The following CCDC141 variants were observed in gnomAD, a reference collection of about 807,000 sequenced individuals.
CCDC141 encodes coiled-coil domain containing 141.
Under a neutral mutation model 181.0 loss-of-function variants are expected in CCDC141, and 168 were observed. The ratio of observed to expected loss-of-function variants is 0.93; its 90% CI spans 0.82 to 1.05. The LOEUF is 1.05. Among genes scored for constraint, CCDC141 ranks in the 50% least tolerant of loss-of-function variants. The pLI, the probability that CCDC141 is intolerant of heterozygous loss-of-function variation, is 0.00. For missense variants in CCDC141, 1,902 were observed against 1,788.5 expected (o/e 1.06, Z -1.14); for synonymous variants, 666 against 642.3 (o/e 1.04, Z -0.56).
chr2:178,903,942 C>G lies in CCDC141; in HGVS notation c.1265+1387G>C, dbSNP rs906573514. On this transcript the variant is annotated intron_variant, in intron 8 of 23. Transcript: ENST00000443758. ...AAACCTCACCGCTTAATTCAGTCAT[C>G]ATATGACTCAAATCAATGTCCGACA... Among the ~76,000 whole-genome samples the G allele has an allele frequency of 3.3e-5, 5 of 152,078 alleles. 1 individual carries two copies. In the South Asian group the frequency reaches 1.0e-3, roughly 31 times the overall value.
chr2:179,003,530 TAGTA>T (rs144892593), intron 2 of CCDC141, among the ~76,000 whole-genome samples: 6,094 of 152,264 alleles, frequency 0.04, 388 homozygotes, highest in East Asian at 0.2. Context: ...GCCTCAAATA[TAGTA>T]AGTATGTAAT....
intron 1 of CCDC141, 137 bp from the exon 2 acceptor site, chr2:179,047,543 C>A: frequency 1.4e-6 from 1 of 727,860 alleles, no homozygotes; most frequent in Non-Finnish European, 2.0e-6. Flanking sequence ...TTTTTCCATT[C>A]TTTCCATAGA....
intron 2 of CCDC141, among the ~76,000 whole-genome samples, chr2:179,028,486 A>T (rs2042915884): frequency 6.6e-6 from 1 of 152,170 alleles, no homozygotes; most frequent in Admixed American, 6.5e-5. Flanking sequence ...ATCCAGCACC[A>T]CTGCTCCCCT....
At chr2:178,864,543 G>T (rs12619308) in intron 17 of CCDC141, among the ~76,000 whole-genome samples, 16,498 of 152,112 alleles carry the variant, frequency 0.11, 1,693 homozygotes, top group East Asian at 0.58. Flanking sequence ...CAGTCCTGTA[G>T]CACACCGCTG....
At chr2:178,952,084 T>C (rs999253233) in intron 5 of CCDC141, among the ~76,000 whole-genome samples, 10 of 152,256 alleles carry the variant, frequency 6.6e-5, no homozygotes, top group Non-Finnish European at 1.3e-4. Flanking sequence ...AATTGGTTTT[T>C]GACTCTATCT....
intron 22 of CCDC141, among the ~76,000 whole-genome samples, chr2:178,844,716 T>C (rs994574491): frequency 6.6e-6 from 1 of 152,218 alleles, no homozygotes; most frequent in Admixed American, 6.5e-5. Context: ...CAAGGAAAGA[T>C]AAATCTTTCT....
At chr2:178,969,291 C>T (rs544286617) in intron 4 of CCDC141, among the ~76,000 whole-genome samples, 1 of 152,040 alleles carries the variant, frequency 6.6e-6, no homozygotes, top group Non-Finnish European at 1.5e-5. Context: ...CTGGCAGAGA[C>T]ACAACAAAAA....
intron 17 of CCDC141, among the ~76,000 whole-genome samples, chr2:178,861,280 C>T (rs746684440): frequency 6.6e-6 from 1 of 152,102 alleles, no homozygotes; most frequent in Non-Finnish European, 1.5e-5. Flanking sequence ...GATCCCCCTG[C>T]CTCAGCATCT....
intron 2 of CCDC141, among the ~76,000 whole-genome samples, chr2:178,990,262 A>G (rs975329791): frequency 2.5e-4 from 38 of 152,184 alleles, no homozygotes; most frequent in Non-Finnish European, 3.2e-4. Context: ...CTTTAAAAAA[A>G]AAAACATGTT....
intron 2 of CCDC141, among the ~76,000 whole-genome samples, chr2:179,000,271 A>G: frequency 6.6e-6 from 1 of 152,172 alleles, no homozygotes; most frequent in Admixed American, 6.6e-5. Context: ...ATTATATGAA[A>G]CTCAAATTTC....
At chr2:179,039,194 C>A (rs186152285) in intron 2 of CCDC141, among the ~76,000 whole-genome samples, 281 of 151,996 alleles carry the variant, frequency 1.8e-3, no homozygotes, top group Non-Finnish European at 3.1e-3. Flanking sequence ...TCTTTGGACA[C>A]TCCACTAAGA....
chr2:179,015,772 ATC>A (rs1351660969), intron 2 of CCDC141, among the ~76,000 whole-genome samples: 7 of 138,352 alleles, frequency 5.1e-5, no homozygotes, highest in African/African-American at 1.5e-4. Context: ...TATCATATAT[ATC>A]TCATATATGT....
Position 178,837,479 on chromosome 2 carries a change from C to T in CCDC141, c.3740G>A (p.Ser1247Asn). ...GGTCCCAGCCTGCACCCCATAGCTG[C>T]TTATGTGAAGGCTGAGGGAGGAGCT... ...PVSSSLSLHISSYGVQAGTSS... is the reference protein window; with the variant it reads ...PVSSSLSLHINSYGVQAGTSS... Residue 1247 changes from serine (S) to asparagine (N), a missense_variant, in exon 23 of 24, where the codon AGC becomes AAC. Coordinates refer to ENST00000443758, the MANE Select transcript of CCDC141 (RefSeq NM_173648.4). The T allele has an allele frequency of 6.2e-7, 1 of 1,614,062 alleles. No homozygotes were observed.
At chr2:178,868,608 CAAAA>C (rs71393439) in intron 15 of CCDC141, among the ~76,000 whole-genome samples, 3 of 85,576 alleles carry the variant, frequency 3.5e-5, no homozygotes, top group Non-Finnish European at 6.4e-5. Flanking sequence ...ACTTGAAGTG[CAAAA>C]AAAAAAAAAA....
intron 12 of CCDC141, chr2:178,873,308 T>C (rs1558945021): frequency 1.3e-5 from 2 of 152,000 alleles, no homozygotes; most frequent in Non-Finnish European, 1.5e-5. Flanking sequence ...AAAAAATATA[T>C]ATCTGTAGGT....
intron 2 of CCDC141, among the ~76,000 whole-genome samples, chr2:179,015,332 CAT>C (rs942393826): frequency 1.4e-5 from 2 of 138,234 alleles, no homozygotes; most frequent in African/African-American, 2.7e-5. Context: ...ATGTATCATA[CAT>C]ATCTCATATA....
At chr2:178,860,597 TG>T (rs1486788184) in intron 17 of CCDC141, among the ~76,000 whole-genome samples, 1 of 133,882 alleles carries the variant, frequency 7.5e-6, no homozygotes, top group Non-Finnish European at 1.6e-5. Flanking sequence ...CTCACCATCT[TG>T]CCCAGGCTGG....
intron 2 of CCDC141, among the ~76,000 whole-genome samples, chr2:179,019,348 G>A (rs532755270): frequency 1.7e-4 from 26 of 151,980 alleles, no homozygotes; most frequent in Non-Finnish European, 3.1e-4. Flanking sequence ...TCCCATAATC[G>A]TTATTTCATC....
At chr2:179,015,206 T>TACATC in intron 2 of CCDC141, among the ~76,000 whole-genome samples, 1 of 69,722 alleles carries the variant, frequency 1.4e-5, no homozygotes, top group Non-Finnish European at 3.0e-5. Flanking sequence ...AAATATCATA[T>TACATC]ATATCATATA....
Sources: gnomAD v4.1 joint callset for allele counts (sites outside exome capture counted in the v4.1 genomes callset) on GRCh38, gnomAD v4.1.1 for gene constraint, MANE v1.5 for transcripts, NCBI Gene and HGNC (gene_info 2026-07-23, HGNC 2026-07-21) for gene names.